The following TDRD3 variants were observed in gnomAD, a reference collection of about 807,000 sequenced individuals.
TDRD3 encodes the protein tudor domain-containing protein 3.
Under a neutral mutation model 86.7 loss-of-function variants are expected in TDRD3, and 45 were observed. That is an observed-to-expected ratio of 0.52 (90% CI 0.41 to 0.67). TDRD3 has a LOEUF of 0.67. TDRD3 is among the 30% of genes least tolerant of loss of function. The pLI, the probability that TDRD3 is intolerant of heterozygous loss-of-function variation, is 0.00. For missense variants in TDRD3, 814 were observed against 889.0 expected, an observed-to-expected ratio of 0.92 and a Z score of 1.07; for synonymous variants, 298 against 301.7, an observed-to-expected ratio of 0.99 and a Z score of 0.13.
At chr13:60,454,577 G>C (rs1028028754) in intron 3 of TDRD3, among the ~76,000 whole-genome samples, 7 of 152,108 alleles carry the variant, frequency 4.6e-5, no homozygotes, top group African/African-American at 1.7e-4. Context: ...TTGAGCTAGT[G>C]GGGGTGCTAC....
intron 11 of TDRD3, among the ~76,000 whole-genome samples, chr13:60,532,054 A>G (rs117893166): frequency 6.6e-6 from 1 of 152,348 alleles, no homozygotes; most frequent in East Asian, 1.9e-4. Flanking sequence ...ACAATTGTTA[A>G]TAAAGGTCTA....
chr13:60,505,479 G>A (rs1956916999), intron 8 of TDRD3, among the ~76,000 whole-genome samples: 1 of 152,232 alleles, frequency 6.6e-6, no homozygotes, highest in South Asian at 2.1e-4. Context: ...CCCTGGGACA[G>A]AGCAACTGGG....
chr13:60,509,734 C>T, intron 8 of TDRD3, 29 bp from the exon 9 acceptor site: 3 of 1,612,836 alleles, frequency 1.9e-6, no homozygotes, highest in Non-Finnish European at 2.5e-6. Flanking sequence ...TGTGGGCTAT[C>T]AGCCAGCTTT....
At chr13:60,403,752 C>T (rs1954161217) in intron 1 of TDRD3, among the ~76,000 whole-genome samples, 1 of 152,164 alleles carries the variant, frequency 6.6e-6, no homozygotes, top group Non-Finnish European at 1.5e-5. Flanking sequence ...GGATTCACAT[C>T]TCTATTGGAT....
chr13:60,541,848 CT>C (rs1232625340), intron 12 of TDRD3, among the ~76,000 whole-genome samples: 1 of 150,006 alleles, frequency 6.7e-6, no homozygotes, highest in Non-Finnish European at 1.5e-5. Context: ...TTGCCTCAAC[CT>C]CCTGAGTAGC....
chr13:60,426,791 A>G (rs1954822620), intron 1 of TDRD3, among the ~76,000 whole-genome samples: 2 of 152,190 alleles, frequency 1.3e-5, no homozygotes, highest in African/African-American at 4.8e-5. Context: ...GTCATTCATC[A>G]CTTTATGGGG....
At chr13:60,540,593 C>T (rs144957455) in intron 12 of TDRD3, among the ~76,000 whole-genome samples, 39 of 152,126 alleles carry the variant, frequency 2.6e-4, no homozygotes, top group African/African-American at 7.2e-4. Context: ...CTAAGCCTAA[C>T]GGAATATTAT....
At chr13:60,462,935 A>G (rs1487359058) in intron 4 of TDRD3, among the ~76,000 whole-genome samples, 2 of 152,222 alleles carry the variant, frequency 1.3e-5, no homozygotes, top group Non-Finnish European at 2.9e-5. Context: ...GACCAATGGA[A>G]CAGAATAGAG....
intron 1 of TDRD3, among the ~76,000 whole-genome samples, chr13:60,416,109 G>C (rs1206837141): frequency 6.6e-6 from 1 of 152,096 alleles, no homozygotes; most frequent in Non-Finnish European, 1.5e-5. Context: ...AGTTGATAAG[G>C]TATTGATTTT....
intron 1 of TDRD3, among the ~76,000 whole-genome samples, chr13:60,429,522 C>T (rs756563539): frequency 6.6e-6 from 1 of 152,122 alleles, no homozygotes; most frequent in Non-Finnish European, 1.5e-5. Flanking sequence ...AAAACAATAG[C>T]AGTTCATTTT....
chr13:60,515,619 G>A (rs751943643), intron 10 of TDRD3, among the ~76,000 whole-genome samples: 27 of 152,170 alleles, frequency 1.8e-4, no homozygotes, highest in African/African-American at 3.6e-4. Flanking sequence ...AGCAGGTATC[G>A]TTGTGTTACT....
intron 1 of TDRD3, among the ~76,000 whole-genome samples, chr13:60,411,603 C>CT (rs1170395923): frequency 4.6e-5 from 7 of 150,716 alleles, no homozygotes; most frequent in African/African-American, 7.3e-5. Flanking sequence ...TTTGGTTTTT[C>CT]TTTTTTTTTG....
chr13:60,413,093 A>C (rs1954405117), intron 1 of TDRD3, among the ~76,000 whole-genome samples: 1 of 151,784 alleles, frequency 6.6e-6, no homozygotes, highest in South Asian at 2.1e-4. Context: ...CTAATAGGTC[A>C]ACAGGAAGTT....
At chr13:60,504,710 G>A (rs1956898774) in intron 8 of TDRD3, among the ~76,000 whole-genome samples, 1 of 152,294 alleles carries the variant, frequency 6.6e-6, no homozygotes. Flanking sequence ...CAGAAGGCAG[G>A]TGATTTCTGC....
chr13:60,423,847 G>A (rs1954725251), intron 1 of TDRD3, among the ~76,000 whole-genome samples: 1 of 151,986 alleles, frequency 6.6e-6, no homozygotes, highest in African/African-American at 2.4e-5. Flanking sequence ...ATGAATAAAT[G>A]AACTAAATTT....
chr13:60,528,829 A>T lies in TDRD3; in HGVS notation c.1604A>T (p.Lys535Ile), dbSNP rs1342597445. Residue 535 changes from lysine (K) to isoleucine (I), a missense_variant, in exon 11 of 14, where the codon AAA (lysine) becomes ATA (isoleucine). Lys to Ile is a moderately radical substitution (Grantham distance 102). Coordinates refer to ENST00000377881, the MANE Select transcript of TDRD3 (RefSeq NM_001146070.2). ...GATTATAATAATCAAAAACGTGGAA[A>T]AAGAGAAAGCCAAACATCTATTCCT... is the stretch of plus-strand genomic sequence containing the variant. Reference protein sequence around the residue: ...SVDYNNQKRGKRESQTSIPDY... With the variant: ...SVDYNNQKRGIRESQTSIPDY... 3 of 1,613,780 alleles carry T rather than the reference A, an allele frequency of 1.9e-6. No homozygotes were observed. Among genetic ancestry groups the T allele is most frequent in the Non-Finnish European group, 1.7e-6 (2 of 1,179,886 alleles).
At chr13:60,524,808 A>G (rs1367743205) in intron 10 of TDRD3, among the ~76,000 whole-genome samples, 1 of 151,970 alleles carries the variant, frequency 6.6e-6, no homozygotes, top group East Asian at 1.9e-4. Context: ...TTTAAAAAAC[A>G]CAATTTTCGG....
intron 5 of TDRD3, among the ~76,000 whole-genome samples, chr13:60,468,910 C>T (rs956362847): frequency 6.6e-6 from 1 of 152,146 alleles, no homozygotes; most frequent in Admixed American, 6.6e-5. Flanking sequence ...TCAAATCTTG[C>T]CTGTTTTGTA....
At chr13:60,531,806 C>A (rs1957588203) in intron 11 of TDRD3, among the ~76,000 whole-genome samples, 1 of 151,798 alleles carries the variant, frequency 6.6e-6, no homozygotes, top group South Asian at 2.1e-4. Context: ...GTCTAATATC[C>A]TTTAAAAAGT....
Sources: allele counts gnomAD v4.1 joint callset (sites outside exome capture counted in the v4.1 genomes callset), GRCh38; gene constraint gnomAD v4.1.1; transcripts MANE v1.5; gene names NCBI Gene and HGNC (gene_info 2026-07-23, HGNC 2026-07-21).